JAM3: variants seen among roughly 807,000 people sequenced by gnomAD.
The protein encoded by JAM3 is junctional adhesion molecule C.
JAM3 carries 31 observed loss-of-function variants against 39.4 expected under a neutral mutation model. That is an observed-to-expected ratio of 0.79 (90% confidence interval 0.59 to 1.06). The LOEUF (loss-of-function observed/expected upper bound fraction) is 1.06, where lower values mean the gene tolerates loss of function less well. Among genes scored for constraint, JAM3 ranks in the 50% least tolerant of loss-of-function variants. The probability of loss-of-function intolerance (pLI) is 0.00; values close to 1 mark genes in which losing one functional copy is unlikely to be tolerated. For missense variants in JAM3, 455 were observed against 391.4 expected (o/e 1.16, Z -1.37); for synonymous variants, 182 against 148.7 (o/e 1.22, Z -1.63).
Position 134,072,906 on chromosome 11 carries a change from G to T in JAM3, c.76+3747G>T, listed in dbSNP as rs547404413. ...GCCTGGGGTACAAGAGTGAAACTCC[G>T]TCTTGGGGGAAAAAAAAAGATGTTT... is the stretch of plus-strand genomic sequence containing the variant. On this transcript the variant is annotated intron_variant, in intron 1 of 8. Transcript: ENST00000299106. 4.6e-5 allele frequency among the ~76,000 whole-genome samples: 7 copies of T among 152,184 alleles called. 1 individual carries two copies. In the East Asian group the frequency reaches 1.4e-3, roughly 29 times the overall value.
In JAM3 at chr11:134,075,342, T is replaced by C. The variant is rs139788248; in HGVS notation, c.76+6183T>C. Among the ~76,000 whole-genome samples the C allele has an allele frequency of 4.5e-3, 690 of 152,192 alleles. 3 individuals carry two copies. Among genetic ancestry groups the C allele is most frequent in the African/African-American group, 0.015 (640 of 41,530 alleles). On this transcript the variant is annotated intron_variant, in intron 1 of 8. Transcript: ENST00000299106. ...TATAGATTTGGGAGGGACAGCGGTG[T>C]GGATGGGAAAGTGGAGGAAATAATG...
At chr11:134,134,477 G>A (rs1264014519) in intron 1 of JAM3, among the ~76,000 whole-genome samples, 1 of 122,334 alleles carries the variant, frequency 8.2e-6, no homozygotes, top group Non-Finnish European at 1.7e-5. Context: ...TAAAACATAA[G>A]AAGACAGAGG....
chr11:134,070,266 C>T, intron 1 of JAM3: 1 of 455,022 alleles, frequency 2.2e-6, no homozygotes, highest in South Asian at 1.6e-5. Context: ...CTTCCCCTGG[C>T]AGCCATCCGC....
At chr11:134,070,531 T>A (rs1272401641) in intron 1 of JAM3, among the ~76,000 whole-genome samples, 1 of 152,218 alleles carries the variant, frequency 6.6e-6, no homozygotes, top group Non-Finnish European at 1.5e-5. Flanking sequence ...GTCTGTATAC[T>A]TTGCCTGAAA....
intron 1 of JAM3, among the ~76,000 whole-genome samples, chr11:134,069,658 C>G (rs1396278432): frequency 2.0e-5 from 3 of 152,262 alleles, no homozygotes; most frequent in Non-Finnish European, 4.4e-5. Context: ...CTGGAGGGAG[C>G]GCGGCAGCTG....
chr11:134,107,503 A>T (rs553518458), intron 1 of JAM3, among the ~76,000 whole-genome samples: 1 of 152,262 alleles, frequency 6.6e-6, no homozygotes, highest in African/African-American at 2.4e-5. Flanking sequence ...AATAGTCAAA[A>T]AAAAGTGTTT....
intron 5 of JAM3, 131 bp downstream of exon 5, chr11:134,145,125 G>T: frequency 1.3e-6 from 1 of 772,720 alleles, no homozygotes; most frequent in South Asian, 1.5e-5. Flanking sequence ...AGAATGTTAG[G>T]GATTCTACAG....
intron 1 of JAM3, among the ~76,000 whole-genome samples, chr11:134,108,002 A>G (rs959628484): frequency 3.3e-5 from 5 of 152,274 alleles, no homozygotes; most frequent in African/African-American, 9.6e-5. Flanking sequence ...GAAAAAAACC[A>G]GTAAGTCCAA....
intron 6 of JAM3, among the ~76,000 whole-genome samples, chr11:134,147,493 C>CTTTTTG (rs1215300891): frequency 7.2e-6 from 1 of 139,044 alleles, no homozygotes; most frequent in African/African-American, 2.7e-5. Context: ...TGCAAGTTTA[C>CTTTTTG]TTTTTGTTTT....
At chr11:134,096,410 A>G (rs1158484483) in intron 1 of JAM3, among the ~76,000 whole-genome samples, 1 of 152,216 alleles carries the variant, frequency 6.6e-6, no homozygotes, top group Non-Finnish European at 1.5e-5. Context: ...GATTGGCACC[A>G]TGGATCTGGT....
intron 1 of JAM3, among the ~76,000 whole-genome samples, chr11:134,096,228 C>T (rs1941980488): frequency 6.6e-6 from 1 of 152,164 alleles, no homozygotes; most frequent in African/African-American, 2.4e-5. Flanking sequence ...ATCCTCCTGC[C>T]TCGGCCTGGG....
intron 1 of JAM3, among the ~76,000 whole-genome samples, chr11:134,120,364 C>T (rs1942508928): frequency 2.6e-5 from 4 of 152,222 alleles, no homozygotes; most frequent in Admixed American, 2.6e-4. Context: ...CTAAATATAA[C>T]TCCTTAGAGA....
chr11:134,134,398 C>CAAAAAAAAA (rs34729848), intron 1 of JAM3, among the ~76,000 whole-genome samples: 21 of 31,922 alleles, frequency 6.6e-4, no homozygotes, highest in East Asian at 1.1e-3. Context: ...GGATAAATGC[C>CAAAAAAAAA]AAAAAAAAAA....
chr11:134,109,913 C>T (rs1280202342), intron 1 of JAM3, among the ~76,000 whole-genome samples: 3 of 152,188 alleles, frequency 2.0e-5, no homozygotes, highest in South Asian at 2.1e-4. Flanking sequence ...TCTTGTAGGA[C>T]ACAGCTTTCA....
intron 1 of JAM3, among the ~76,000 whole-genome samples, chr11:134,090,418 C>G (rs963469960): frequency 6.6e-6 from 1 of 151,978 alleles, no homozygotes; most frequent in South Asian, 2.1e-4. Context: ...AGGTTTTCTT[C>G]TAGGGTTTTT....
At chr11:134,073,825 A>T (rs1941521178) in intron 1 of JAM3, among the ~76,000 whole-genome samples, 1 of 152,150 alleles carries the variant, frequency 6.6e-6, no homozygotes, top group Non-Finnish European at 1.5e-5. Flanking sequence ...AGTTTATCTC[A>T]CTTTGTCACT....
chr11:134,101,651 T>C (rs1942074878), intron 1 of JAM3, among the ~76,000 whole-genome samples: 1 of 152,230 alleles, frequency 6.6e-6, no homozygotes, highest in South Asian at 2.1e-4. Context: ...TATAATACTC[T>C]ACTACCACAA....
At chr11:134,105,755 C>G (rs1030463820) in intron 1 of JAM3, among the ~76,000 whole-genome samples, 3 of 152,072 alleles carry the variant, frequency 2.0e-5, no homozygotes, top group African/African-American at 7.2e-5. Flanking sequence ...GCAATTGCTT[C>G]AAAGAGAATA....
At chr11:134,094,337 A>G (rs1941935058) in intron 1 of JAM3, among the ~76,000 whole-genome samples, 3 of 132,180 alleles carry the variant, frequency 2.3e-5, no homozygotes, top group South Asian at 2.5e-4. Context: ...CATCTTATTC[A>G]TCATGTTCCA....
Sources: gnomAD v4.1 joint callset for allele counts (sites outside exome capture counted in the v4.1 genomes callset) on GRCh38, gnomAD v4.1.1 for gene constraint, MANE v1.5 for transcripts, NCBI Gene and HGNC (gene_info 2026-07-23, HGNC 2026-07-21) for gene names.